Variants in GBP7 observed in about 807,000 individuals in gnomAD.
GBP7 encodes the protein guanylate-binding protein 7.
Under a neutral mutation model 61.3 loss-of-function variants are expected in GBP7, and 43 were observed. The ratio of observed to expected loss-of-function variants is 0.70; its 90% CI spans 0.55 to 0.91. The LOEUF is 0.91. Among genes scored for constraint, GBP7 ranks in the 40% least tolerant of loss-of-function variants. GBP7 has a pLI of 0.00. For missense variants in GBP7, 717 were observed against 740.5 expected (o/e 0.97, Z 0.37); for synonymous variants, 267 against 271.0 (o/e 0.99, Z 0.14).
chr1:89,169,921 T>C (rs183727358), intron 2 of GBP7, among the ~76,000 whole-genome samples: 44 of 152,346 alleles, frequency 2.9e-4, no homozygotes, highest in African/African-American at 9.4e-4. Flanking sequence ...AATGCTATAG[T>C]TATAATTTCA....
intron 7 of GBP7, among the ~76,000 whole-genome samples, chr1:89,148,125 C>T (rs188389665): frequency 6.6e-6 from 1 of 152,330 alleles, no homozygotes; most frequent in Admixed American, 6.5e-5. Context: ...TCTGGATAAT[C>T]ACATCCCAGT....
intron 7 of GBP7, among the ~76,000 whole-genome samples, chr1:89,148,964 T>C (rs1437203543): frequency 6.6e-6 from 1 of 152,232 alleles, no homozygotes; most frequent in Admixed American, 6.5e-5. Flanking sequence ...AATTAACATA[T>C]ATATTAACTC....
Position 89,169,898 on chromosome 1 carries a change from C to G in GBP7, c.190+1848G>C, listed in dbSNP as rs558415273. Among the ~76,000 whole-genome samples, 17 of 152,292 alleles carry G rather than the reference C, an allele frequency of 1.1e-4. No individual in the cohort carries two copies. The South Asian group carries it at 3.5e-3, about 32-fold the overall frequency. The stretch of plus-strand genomic sequence containing the variant: ...TTTTCTTTGCTTGTGCCTTCTTTTT[C>G]ACTTGACAGGATAATGCTATAGTTA... On this transcript the variant is annotated intron_variant, in intron 2 of 10. Transcript: ENST00000294671.
chr1:89,164,193 A>T (rs1414397289), intron 3 of GBP7, among the ~76,000 whole-genome samples: 3 of 152,066 alleles, frequency 2.0e-5, no homozygotes, highest in African/African-American at 4.8e-5. Flanking sequence ...CTAGACATTT[A>T]AAAACAGGTT....
chr1:89,133,124 G>C lies in GBP7; in HGVS notation c.1662+134C>G, dbSNP rs527856558. On this transcript the variant is annotated intron_variant, in intron 10 of 10. Transcript: ENST00000294671. ...TTACAGGCTTCAGTAGAATTCATAT[G>C]TATTTGAAATTTAAGTGAAATATAT... 1.7e-4 allele frequency: 114 copies of C among 685,166 alleles called. No homozygotes were observed. The African/African-American group carries it at 1.9e-3, about 12-fold the overall frequency. 42.4% of individuals were successfully genotyped at this position (685,166 alleles called of 1,614,324 possible).
chr1:89,153,645 G>A (rs1682252366), intron 3 of GBP7, among the ~76,000 whole-genome samples: 3 of 152,158 alleles, frequency 2.0e-5, no homozygotes, highest in African/African-American at 7.2e-5. Flanking sequence ...TGACTTTCAG[G>A]AGTGGCAGAT....
intron 9 of GBP7, 98 bp downstream of exon 9, chr1:89,141,448 G>A: frequency 9.9e-7 from 1 of 1,013,510 alleles, no homozygotes; most frequent in African/African-American, 1.6e-5. Flanking sequence ...CCTATGAGAA[G>A]AAAGCTCCTG....
chr1:89,174,630 T>C (rs1647691821), intron 1 of GBP7, among the ~76,000 whole-genome samples: 2 of 152,310 alleles, frequency 1.3e-5, no homozygotes, highest in South Asian at 4.1e-4. Context: ...TGCAAGCCCC[T>C]CTGTGGGCAG....
Position 89,141,635 on chromosome 1 carries a change from A to G in GBP7, c.1379T>C (p.Leu460Pro). 1 of 1,613,740 alleles carries G rather than the reference A, an allele frequency of 6.2e-7. No individual in the cohort carries two copies. The highest frequency in any genetic ancestry group is 8.5e-7 in the Non-Finnish European group (1 of 1,179,736). Residue 460 changes from leucine (L) to proline (P), a missense_variant, in exon 9 of 11, where the codon CTC (leucine) becomes CCC (proline). Physicochemically the swap from Leu to Pro is moderately conservative, Grantham distance 98. Transcript: ENST00000294671. The part of the protein sequence containing the change: ...PRKGVKADEV[L>P]QSFLQSQVVI... ...CACCTGTGACTGCAGGAAGCTCTGG[A>G]GGACCTCGTCTGCCTGAAGAACCAA...
intron 2 of GBP7, among the ~76,000 whole-genome samples, chr1:89,165,394 G>A (rs1647396192): frequency 6.6e-6 from 1 of 152,022 alleles, no homozygotes; most frequent in Admixed American, 6.5e-5. Context: ...CAGCTACTTG[G>A]GAGGCTGAGG....
Position 89,145,823 on chromosome 1 carries a change from C to T in GBP7, c.1365+1744G>A, listed in dbSNP as rs981420839. On this transcript the variant is annotated intron_variant, in intron 8 of 10. Transcript: ENST00000294671. Reference sequence around the variant, plus strand: ...TGCTGATGAAATTAACTGAAGAAGACATAAAATAAATGGAGAGATATTCCA... The same window carrying T: ...TGCTGATGAAATTAACTGAAGAAGATATAAAATAAATGGAGAGATATTCCA... 2.6e-5 allele frequency among the ~76,000 whole-genome samples: 4 copies of T among 152,026 alleles called. No individual in the cohort carries two copies. The South Asian group carries it at 8.3e-4, about 32-fold the overall frequency.
At chr1:89,160,295 G>T (rs992653851) in intron 3 of GBP7, among the ~76,000 whole-genome samples, 16 of 152,042 alleles carry the variant, frequency 1.1e-4, no homozygotes, top group African/African-American at 3.6e-4. Flanking sequence ...CACCAACATG[G>T]CACGTGTGTA....
chr1:89,133,480 G>A, intron 9 of GBP7, 29 bp from the exon 10 acceptor site: 1 of 1,592,002 alleles, frequency 6.3e-7, no homozygotes. Flanking sequence ...ACAGAGGGAA[G>A]AAAATAACAG....
Position 89,132,188 on chromosome 1 carries a change from A to G in GBP7, c.1878T>C (p.Cys626=). The change falls in exon 11 of 11, where the codon TGT becomes TGC. Residue 626 remains cysteine, a synonymous_variant. Coordinates refer to ENST00000294671, the MANE Select transcript of GBP7 (RefSeq NM_207398.3). ...DLGMKILSSL[C]NRLRNPGKKI... ...TCTTACCAGGATTTCTCAGCCTATT[A>G]CATAATGAGCTAAGAATTTTCATTC... The G allele has an allele frequency of 1.2e-6, 2 of 1,612,966 alleles. No homozygotes were observed. The highest frequency in any genetic ancestry group is 1.7e-6 in the Non-Finnish European group (2 of 1,179,288).
chr1:89,150,110 A>G (rs547091869), intron 6 of GBP7, among the ~76,000 whole-genome samples: 9 of 152,312 alleles, frequency 5.9e-5, no homozygotes, highest in African/African-American at 1.2e-4. Context: ...CAAAATCTCA[A>G]TAGGCTTGCA....
rs543551909 is a variant in GBP7 at position 89,168,814 on chromosome 1, A to C, written c.190+2932T>G. On this transcript the variant is annotated intron_variant, in intron 2 of 10. Transcript: ENST00000294671. Reference sequence around the variant, plus strand: ...ACAACAACAACAACAACAACAACAAAAAACGGTAGCCAGGCATGGTGGCGG... The same window carrying C: ...ACAACAACAACAACAACAACAACAACAAACGGTAGCCAGGCATGGTGGCGG... Among the ~76,000 whole-genome samples, 307 of 147,314 alleles carry C rather than the reference A, an allele frequency of 2.1e-3. 1 individual carries two copies. The highest frequency in any genetic ancestry group is 7.3e-3 in the South Asian group (34 of 4,652).
intron 8 of GBP7, among the ~76,000 whole-genome samples, chr1:89,146,845 T>C (rs1480727544): frequency 6.6e-6 from 1 of 152,104 alleles, no homozygotes; most frequent in East Asian, 1.9e-4. Context: ...GGGAGGAAAT[T>C]AGTATAGGAA....
At chr1:89,148,885 G>C (rs1340603365) in intron 7 of GBP7, among the ~76,000 whole-genome samples, 1 of 152,028 alleles carries the variant, frequency 6.6e-6, no homozygotes, top group African/African-American at 2.4e-5. Flanking sequence ...AGGTTATTTT[G>C]AAATGTAACA....
intron 3 of GBP7, among the ~76,000 whole-genome samples, chr1:89,164,070 A>G (rs933540232): frequency 6.6e-6 from 1 of 152,146 alleles, no homozygotes; most frequent in Middle Eastern, 3.4e-3. Context: ...GGGTTTCACC[A>G]TGTTGGCTAG....
Sources: allele counts gnomAD v4.1 joint callset (sites outside exome capture counted in the v4.1 genomes callset), GRCh38; gene constraint gnomAD v4.1.1; transcripts MANE v1.5; gene names NCBI Gene and HGNC (gene_info 2026-07-23, HGNC 2026-07-21).